The following DDR2 variants were observed in gnomAD, a reference collection of about 807,000 sequenced individuals.
DDR2 encodes the protein discoidin domain receptor tyrosine kinase 2.
A neutral mutation model predicts 94.9 loss-of-function variants in DDR2; 27 were observed. That is an observed-to-expected ratio of 0.28 (90% CI 0.21 to 0.39). The LOEUF is 0.39. Among genes scored for constraint, DDR2 ranks in the 10% least tolerant of loss-of-function variants. The probability of loss-of-function intolerance (pLI) is 1.00; values close to 1 mark genes in which losing one functional copy is unlikely to be tolerated. For missense variants in DDR2, 783 were observed against 1,076.0 expected (o/e 0.73, Z 3.81); for synonymous variants, 382 against 377.2 (o/e 1.01, Z -0.15).
chr1:162,746,710 A>G (rs1218515707), intron 3 of DDR2, among the ~76,000 whole-genome samples: 11 of 152,152 alleles, frequency 7.2e-5, no homozygotes, highest in Admixed American at 4.6e-4. Context: ...TAACTGGGAG[A>G]CACCTCCCAG....
At chr1:162,756,154 A>G (rs529190540) in intron 7 of DDR2, among the ~76,000 whole-genome samples, 6 of 152,336 alleles carry the variant, frequency 3.9e-5, no homozygotes, top group African/African-American at 1.4e-4. Context: ...TGGGCAAGTC[A>G]AGAAGTCAGA....
At chr1:162,650,748 C>T (rs1657648273) in intron 1 of DDR2, among the ~76,000 whole-genome samples, 1 of 151,964 alleles carries the variant, frequency 6.6e-6, no homozygotes, top group African/African-American at 2.4e-5. Context: ...TTTTTTGAGA[C>T]AGAGTCTTGC....
At position 162,690,993 on chromosome 1, in the gene DDR2, C is replaced by A. The variant is rs907489056; in HGVS notation, c.-27-28044C>A. On this transcript the variant is annotated intron_variant, in intron 2 of 17. Coordinates refer to ENST00000367921, the MANE Select transcript of DDR2 (RefSeq NM_006182.4). ...TTTGTATGGCAGATAAAACTTTACT[C>A]ATTCCTTTTACTGAAAACCTCTTTC... 4.6e-5 allele frequency among the ~76,000 whole-genome samples: 7 copies of A among 152,270 alleles called. No homozygotes were observed. The South Asian group carries it at 1.5e-3, about 32-fold the overall frequency.
At position 162,770,445 on chromosome 1, in the gene DDR2, T is replaced by A. The variant is rs146978180; in HGVS notation, c.1437T>A (p.Pro479=). 2 of 1,614,104 alleles carry A rather than the reference T, an allele frequency of 1.2e-6. No individual in the cohort carries two copies. Among genetic ancestry groups the A allele is most frequent in the Non-Finnish European group, 1.7e-6 (2 of 1,180,028 alleles). The part of the protein sequence containing the change: ...STYDRIFPLR[P]DYQEPSRLIR... ...ACGATCGCATCTTTCCCCTTCGCCC[T>A]GACTACCAGGAGCCATCCAGGCTGA... Residue 479 remains proline (P), a synonymous_variant, in exon 12 of 18, where the codon CCT becomes CCA. Coordinates refer to ENST00000367921, the MANE Select transcript of DDR2 (RefSeq NM_006182.4).
intron 2 of DDR2, among the ~76,000 whole-genome samples, chr1:162,679,770 GTT>G (rs57572255): frequency 2.6e-5 from 4 of 151,284 alleles, no homozygotes; most frequent in African/African-American, 4.9e-5. Flanking sequence ...CAGATTATGT[GTT>G]TTTTTTTCAA....
intron 1 of DDR2, among the ~76,000 whole-genome samples, chr1:162,642,337 A>G (rs1657178269): frequency 6.6e-6 from 1 of 151,216 alleles, no homozygotes; most frequent in African/African-American, 2.4e-5. Context: ...CAATGGCGCC[A>G]TCCTGGCTCA....
rs1241047286 is a variant in DDR2 at position 162,754,676 on chromosome 1, C to G, written c.238C>G (p.Pro80Ala). ...CTGGTGCCCTGAGATTCCAGTGGAA[C>G]CTGATGACCTGAAGGAGTTTCTGCA... ...GAWCPEIPVE[P>A]DDLKEFLQID... is the part of the protein sequence containing the mutation. Residue 80 changes from proline (P) to alanine (A), a missense_variant, in exon 5 of 18, where the codon CCT becomes GCT. Around this residue, in one of 2 missense-constraint regions of DDR2, gnomAD observed 519 missense variants for 647.9 expected, o/e 0.80. Transcript: ENST00000367921. The G allele has an allele frequency of 6.2e-7, 1 of 1,613,988 alleles. No homozygotes were observed. The highest frequency in any genetic ancestry group is 8.5e-7 in the Non-Finnish European group (1 of 1,180,024).
Position 162,720,286 on chromosome 1 carries a change from G to A in DDR2, c.82+1141G>A, listed in dbSNP as rs146078412. On this transcript the variant is annotated intron_variant, in intron 3 of 17. Coordinates refer to ENST00000367921, the MANE Select transcript of DDR2 (RefSeq NM_006182.4). Reference sequence around the variant, plus strand: ...ACAGAACTATACCAGCACTTTAGAAGCTCTCTTCATGCTCCCTTCCAGTAA... The same window carrying A: ...ACAGAACTATACCAGCACTTTAGAAACTCTCTTCATGCTCCCTTCCAGTAA... Among the ~76,000 whole-genome samples, 333 of 152,174 alleles carry A rather than the reference G, an allele frequency of 2.2e-3. 3 individuals are homozygous for A. Among genetic ancestry groups the A allele is most frequent in the African/African-American group, 7.7e-3 (318 of 41,542 alleles).
rs201368185 is a variant in DDR2 at position 162,746,391 on chromosome 1, C to T, written c.83-6704C>T. On this transcript the variant is annotated intron_variant, in intron 3 of 17. Transcript: ENST00000367921. ...CACTGCTAGCACACCAGTCCGAGAT[C>T]GAACTACAAGGTGGCAGCGAGGCTG... Among the ~76,000 whole-genome samples the T allele has an allele frequency of 1.4e-4, 22 of 152,318 alleles. No homozygotes were observed. The South Asian group carries it at 2.9e-3, about 20-fold the overall frequency.
At chr1:162,779,862 T>C (rs1234611288) in intron 17 of DDR2, among the ~76,000 whole-genome samples, 7 of 152,168 alleles carry the variant, frequency 4.6e-5, no homozygotes, top group African/African-American at 1.7e-4. Context: ...AGGGACCACA[T>C]AATGGCCCAT....
intron 2 of DDR2, among the ~76,000 whole-genome samples, chr1:162,667,129 A>G (rs1242162564): frequency 6.6e-6 from 1 of 152,092 alleles, no homozygotes; most frequent in Non-Finnish European, 1.5e-5. Context: ...GTTTGAATAT[A>G]CCATATTTTG....
At chr1:162,671,094 G>A (rs1658816543) in intron 2 of DDR2, among the ~76,000 whole-genome samples, 1 of 152,116 alleles carries the variant, frequency 6.6e-6, no homozygotes, top group Non-Finnish European at 1.5e-5. Flanking sequence ...ATACACGCAT[G>A]GTCTGTAACA....
At chr1:162,717,004 T>C (rs759178336) in intron 2 of DDR2, among the ~76,000 whole-genome samples, 1 of 152,176 alleles carries the variant, frequency 6.6e-6, no homozygotes, top group Non-Finnish European at 1.5e-5. Context: ...TTATTAGTGT[T>C]ACTCAGAGGG....
chr1:162,654,748 C>T (rs542302477), intron 1 of DDR2, among the ~76,000 whole-genome samples: 7 of 151,956 alleles, frequency 4.6e-5, no homozygotes, highest in Non-Finnish European at 7.4e-5. Flanking sequence ...CACGAGTGTA[C>T]GGTGGAGTTT....
At chr1:162,631,187 TGTGTGTG>T (rs779025986), upstream of DDR2, among the ~76,000 whole-genome samples, 1,682 of 22,976 alleles carry the variant, frequency 0.073, 8 homozygotes, top group South Asian at 0.21. Context: ...CCTCATTGTG[TGTGTGTG>T]TGTGTGTGTG....
intron 2 of DDR2, among the ~76,000 whole-genome samples, chr1:162,707,129 C>A (rs1016345161): frequency 1.3e-5 from 2 of 152,118 alleles, no homozygotes; most frequent in African/African-American, 4.8e-5. Context: ...AGGTATGGGG[C>A]TAGAGAGCCT....
In DDR2 at chr1:162,783,144, T is replaced by C. The variant is rs1647996492; in HGVS notation, c.*2898T>C. ...TTACCTTTGCAGTAAGTTATCTTCT[T>C]CATGATATATGTGAATTATTTTATG... On this transcript the variant is annotated 3_prime_UTR_variant, in exon 18 of 18. Coordinates refer to ENST00000367921, the MANE Select transcript of DDR2 (RefSeq NM_006182.4). 6.6e-6 allele frequency: 1 copy of C among 152,220 alleles called. No individual in the cohort carries two copies. Among genetic ancestry groups the C allele is most frequent in the Admixed American group, 6.5e-5 (1 of 15,280 alleles). 9.4% of individuals were successfully genotyped at this position (152,220 alleles called of 1,614,324 possible).
chr1:162,751,195 C>T (rs978586294), intron 3 of DDR2, among the ~76,000 whole-genome samples: 1 of 152,170 alleles, frequency 6.6e-6, no homozygotes, highest in Non-Finnish European at 1.5e-5. Context: ...AAACTACCAT[C>T]AGAGTGAACA....
chr1:162,650,474 T>A (rs1176953682), intron 1 of DDR2, among the ~76,000 whole-genome samples: 1 of 151,988 alleles, frequency 6.6e-6, no homozygotes, highest in Admixed American at 6.6e-5. Context: ...TGCGCACCTG[T>A]AATCTCAGCT....
Sources: allele counts gnomAD v4.1 joint callset (sites outside exome capture counted in the v4.1 genomes callset), GRCh38; gene constraint gnomAD v4.1.1; regional missense constraint gnomAD v4.1.1; transcripts MANE v1.5; gene names NCBI Gene and HGNC (gene_info 2026-07-23, HGNC 2026-07-21).